Variants in ATP10D observed in about 807,000 individuals in gnomAD.
ATP10D encodes phospholipid-transporting ATPase VD.
Under a neutral mutation model 144.8 loss-of-function variants are expected in ATP10D, and 89 were observed. The ratio of observed to expected loss-of-function variants is 0.61; its 90% CI spans 0.52 to 0.73. The LOEUF (loss-of-function observed/expected upper bound fraction) is 0.73. ATP10D is among the 30% of genes least tolerant of loss of function. ATP10D has a pLI of 0.00. For missense variants in ATP10D, 1,603 were observed against 1,714.8 expected (o/e 0.93, Z 1.15); for synonymous variants, 571 against 615.1 (o/e 0.93, Z 1.06).
rs188645643 is a variant in ATP10D, at chr4:47,515,029, C to A, written c.291-447C>A. Among the ~76,000 whole-genome samples the A allele has an allele frequency of 5.3e-5, 8 of 152,056 alleles. No individual in the cohort carries two copies. In the South Asian group the frequency reaches 1.7e-3, roughly 32 times the overall value. On this transcript the variant is annotated intron_variant, in intron 2 of 22. Coordinates refer to ENST00000273859, the MANE Select transcript of ATP10D (RefSeq NM_020453.4). ...AGGCTGGAGTGCAGTAGTGTGATCC[C>A]GGCTCACTGCAGCCTCCGACTTCTG...
chr4:47,530,173 C>T (rs1268386196), intron 5 of ATP10D, among the ~76,000 whole-genome samples: 1 of 152,026 alleles, frequency 6.6e-6, no homozygotes, highest in African/African-American at 2.4e-5. Context: ...GTTGGGACTC[C>T]AAGTACTATG....
chr4:47,564,358 C>A (rs898104525), intron 15 of ATP10D, among the ~76,000 whole-genome samples: 1 of 151,860 alleles, frequency 6.6e-6, no homozygotes, highest in African/African-American at 2.4e-5. Context: ...GCTTTCCCCC[C>A]TCCACACTGG....
Position 47,557,735 on chromosome 4 carries a change from G to T in ATP10D, c.1896G>T (p.Trp632Cys). 2.5e-6 allele frequency: 4 copies of T among 1,614,192 alleles called. No homozygotes were observed. The highest frequency in any genetic ancestry group is 3.4e-6 in the Non-Finnish European group (4 of 1,180,030). ...LEEIKSLFQRWSVRRSSSPSL... is the reference protein window; with the variant it reads ...LEEIKSLFQRCSVRRSSSPSL... ...AGATTAAAAGTCTTTTCCAGAGATGGTCTGTCCGAAGATCAAGTTCTCCAT... is the reference window on the plus strand; with the variant it reads ...AGATTAAAAGTCTTTTCCAGAGATGTTCTGTCCGAAGATCAAGTTCTCCAT... Residue 632 changes from tryptophan (W) to cysteine (C), a missense_variant, in exon 12 of 23, where the codon TGG (tryptophan) becomes TGT (cysteine). Transcript: ENST00000273859.
At chr4:47,541,451 T>C (rs1203834651) in intron 9 of ATP10D, among the ~76,000 whole-genome samples, 1 of 152,202 alleles carries the variant, frequency 6.6e-6, no homozygotes, top group Non-Finnish European at 1.5e-5. Flanking sequence ...ATACTGGATG[T>C]TCTTACGATG....
chr4:47,535,374 G>T, intron 5 of ATP10D, 135 bp from the exon 6 acceptor site: 1 of 607,284 alleles, frequency 1.6e-6, no homozygotes, highest in Admixed American at 3.7e-5. Flanking sequence ...CAAAGTAAAT[G>T]GGCCAGAGAT....
At chr4:47,550,328 A>G (rs1374269952) in intron 10 of ATP10D, among the ~76,000 whole-genome samples, 1 of 152,256 alleles carries the variant, frequency 6.6e-6, no homozygotes, top group African/African-American at 2.4e-5. Context: ...TTTAAATTAT[A>G]TGAAAGCCGT....
At chr4:47,488,307 A>G (rs1416077135) in intron 1 of ATP10D, among the ~76,000 whole-genome samples, 1 of 151,946 alleles carries the variant, frequency 6.6e-6, no homozygotes, top group African/African-American at 2.4e-5. Context: ...AAATAAATAT[A>G]TAAAATTCAT....
In ATP10D at chr4:47,558,051, A is replaced by G; in HGVS notation, c.2212A>G (p.Arg738Gly). Residue 738 changes from arginine to glycine, a missense_variant, in exon 12 of 23, where the codon AGG (arginine) becomes GGG (glycine). By Grantham distance (125) the Arg-to-Gly change is moderately radical. Transcript: ENST00000273859. ...PDEAALVYAA[R>G]AYQCTLRSRT... ...CGAAGCGGCCTTAGTGTATGCCGCCAGGGCTTACCAATGCACTTTACGGTC... is the reference window on the plus strand; with the variant it reads ...CGAAGCGGCCTTAGTGTATGCCGCCGGGGCTTACCAATGCACTTTACGGTC... The G allele has an allele frequency of 6.2e-7, 1 of 1,614,248 alleles. No individual in the cohort carries two copies. Among genetic ancestry groups the G allele is most frequent in the Non-Finnish European group, 8.5e-7 (1 of 1,180,048 alleles).
intron 10 of ATP10D, 110 bp from the exon 11 acceptor site, chr4:47,554,615 AC>A: frequency 1.2e-6 from 1 of 809,976 alleles, no homozygotes; most frequent in Middle Eastern, 3.6e-4. Context: ...AATAAAGTTT[AC>A]CATCTCATGA....
chr4:47,561,651 AAAT>A (rs1719309483), intron 14 of ATP10D, among the ~76,000 whole-genome samples: 1 of 152,104 alleles, frequency 6.6e-6, no homozygotes, highest in African/African-American at 2.4e-5. Context: ...ATTTCAACTA[AAAT>A]TGCACAACTG....
intron 5 of ATP10D, among the ~76,000 whole-genome samples, chr4:47,528,219 G>C (rs1717357674): frequency 6.6e-6 from 1 of 151,928 alleles, no homozygotes; most frequent in Non-Finnish European, 1.5e-5. Context: ...GTTTCTAATA[G>C]GTAATTTTTC....
intron 1 of ATP10D, among the ~76,000 whole-genome samples, chr4:47,502,070 A>G (rs1444157328): frequency 6.6e-6 from 1 of 152,198 alleles, no homozygotes; most frequent in Non-Finnish European, 1.5e-5. Context: ...TCCCAATAAC[A>G]TAGAGAAACA....
Position 47,522,997 on chromosome 4 carries a change from T to C in ATP10D, c.486-15T>C. ...TTGATATTCTTTTTTTTTTTTAACT[T>C]TTTTTTAATTACAGGAAAGAGAAAA... On this transcript the variant is annotated splice_polypyrimidine_tract_variant and intron_variant, in intron 3 of 22. Coordinates refer to ENST00000273859, the MANE Select transcript of ATP10D (RefSeq NM_020453.4). 6.3e-7 allele frequency: 1 copy of C among 1,575,074 alleles called. No homozygotes were observed. The highest frequency in any genetic ancestry group is 8.6e-7 in the Non-Finnish European group (1 of 1,159,210).
At position 47,572,103 on chromosome 4, in the gene ATP10D, C is replaced by A. The variant is rs780537571; in HGVS notation, c.3164-51C>A. 10 of 1,536,682 alleles carry A rather than the reference C, an allele frequency of 6.5e-6. No individual in the cohort carries two copies. The South Asian group carries it at 1.1e-4, about 17-fold the overall frequency. Reference sequence around the variant, plus strand: ...CCCCTATTGATTTGCAACATTTACACCCTTTCTTTACTCCTCATATGTTTC... The same window carrying A: ...CCCCTATTGATTTGCAACATTTACAACCTTTCTTTACTCCTCATATGTTTC... On this transcript the variant is annotated intron_variant, in intron 16 of 22. Transcript: ENST00000273859.
chr4:47,543,616 C>G (rs1293089480), intron 9 of ATP10D, among the ~76,000 whole-genome samples: 2 of 152,182 alleles, frequency 1.3e-5, no homozygotes, highest in Non-Finnish European at 2.9e-5. Context: ...ATACAAATCA[C>G]TGCTGAGGAG....
chr4:47,516,386 A>G (rs1406363764), intron 3 of ATP10D, among the ~76,000 whole-genome samples: 1 of 152,156 alleles, frequency 6.6e-6, no homozygotes, highest in Non-Finnish European at 1.5e-5. Context: ...TATTTTCAGT[A>G]TTTATGAAAT....
Position 47,572,908 on chromosome 4 carries a change from A to G in ATP10D, c.3277A>G (p.Lys1093Glu). 1.2e-6 allele frequency: 2 copies of G among 1,614,102 alleles called. No homozygotes were observed. Among genetic ancestry groups the G allele is most frequent in the Non-Finnish European group, 1.7e-6 (2 of 1,180,020 alleles). ...CAGTGACTTTGCCGTTTCTCAGTTC[A>G]AACATCTCAGCAAGCTCCTTCTTGT... ...MASDFAVSQFKHLSKLLLVHG... is the reference protein window; with the variant it reads ...MASDFAVSQFEHLSKLLLVHG... Residue 1093 changes from lysine to glutamate, a missense_variant, in exon 18 of 23, where the codon AAA becomes GAA. Coordinates refer to ENST00000273859, the MANE Select transcript of ATP10D (RefSeq NM_020453.4).
At chr4:47,572,604 G>T (rs576524309) in intron 17 of ATP10D, among the ~76,000 whole-genome samples, 2 of 151,422 alleles carry the variant, frequency 1.3e-5, no homozygotes, top group Non-Finnish European at 2.9e-5. Flanking sequence ...GAGGAAATGA[G>T]AGGAGAAGGA....
chr4:47,559,136 C>G, intron 13 of ATP10D, 107 bp downstream of exon 13: 1 of 744,482 alleles, frequency 1.3e-6, no homozygotes, highest in East Asian at 2.7e-5. Flanking sequence ...TGGGGAAAGT[C>G]CCCTGGACAC....
Sources: gnomAD v4.1 joint callset for allele counts (sites outside exome capture counted in the v4.1 genomes callset) on GRCh38, gnomAD v4.1.1 for gene constraint, MANE v1.5 for transcripts, NCBI Gene and HGNC (gene_info 2026-07-23, HGNC 2026-07-21) for gene names.